The following ELOVL6 variants were observed in gnomAD, a reference collection of about 807,000 sequenced individuals.
ELOVL6 encodes the protein ELOVL fatty acid elongase 6.
ELOVL6 carries 8 observed loss-of-function variants against 31.7 expected under a neutral mutation model. The ratio of observed to expected loss-of-function variants is 0.25; its 90% CI spans 0.15 to 0.45. The LOEUF is 0.45. Ranked by LOEUF, ELOVL6 falls within the 20% of genes least tolerant of loss-of-function variation. The probability of loss-of-function intolerance (pLI) is 1.00; values close to 1 mark genes in which losing one functional copy is unlikely to be tolerated. For synonymous variants in ELOVL6, 101 were observed against 117.7 expected (o/e 0.86, Z 0.92); for missense variants, 126 against 326.4 (o/e 0.39, Z 4.73).
In ELOVL6 at chr4:110,189,592, CAAA is replaced by C. The variant is rs761765202; in HGVS notation, c.89+8652_89+8654del. ...TGGGAGACACAGCAAGACTCTGTCT[CAAA>C]AAAAAAAAAAAAAAAAAAAGAGAGA... On this transcript the variant is annotated intron_variant, in intron 1 of 3. Coordinates refer to ENST00000302274, the MANE Select transcript of ELOVL6 (RefSeq NM_024090.3). 2.1e-3 allele frequency among the ~76,000 whole-genome samples: 158 copies of C among 75,344 alleles called. 1 individual carries two copies. Among genetic ancestry groups the C allele is most frequent in the African/African-American group, 7.8e-3 (142 of 18,270 alleles). The allele number at this position is 75,344 out of a possible 152,430, so 49.4% of individuals were successfully genotyped here. A position where few individuals can be genotyped will look rare whatever the true frequency, so the allele number is the denominator to read the frequency against.
At chr4:110,078,228 A>G (rs1275558127) in intron 2 of ELOVL6, among the ~76,000 whole-genome samples, 1 of 152,236 alleles carries the variant, frequency 6.6e-6, no homozygotes, top group Non-Finnish European at 1.5e-5. Context: ...ATATTCAGGA[A>G]ATACAGAGAA....
chr4:110,156,568 C>T lies in ELOVL6; in HGVS notation c.89+41679G>A, dbSNP rs7695649. ...AGGCATGGCACCAAGCATCTGCAGT[C>T]TCGACTACTCAGAAGGCTGAGGTGG... On this transcript the variant is annotated intron_variant, in intron 1 of 3. Coordinates refer to ENST00000302274, the MANE Select transcript of ELOVL6 (RefSeq NM_024090.3). 6.0e-3 allele frequency among the ~76,000 whole-genome samples: 912 copies of T among 152,160 alleles called. 9 individuals carry two copies. The highest frequency in any genetic ancestry group is 0.021 in the African/African-American group (869 of 41,524).
intron 2 of ELOVL6, among the ~76,000 whole-genome samples, chr4:110,071,660 G>A (rs1317206390): frequency 6.6e-6 from 1 of 151,926 alleles, no homozygotes; most frequent in Non-Finnish European, 1.5e-5. Flanking sequence ...TTCCTCCACC[G>A]CTCCCTCCCG....
chr4:110,194,347 C>G (rs1297676165), intron 1 of ELOVL6, among the ~76,000 whole-genome samples: 1 of 152,210 alleles, frequency 6.6e-6, no homozygotes, highest in African/African-American at 2.4e-5. Flanking sequence ...GTAATAAACT[C>G]TCATTGACCA....
Position 110,053,938 on chromosome 4 carries a change from C to CA in ELOVL6, c.374-2177dup, listed in dbSNP as rs369494890. 9.9e-3 allele frequency among the ~76,000 whole-genome samples: 1,412 copies of CA among 142,502 alleles called. 20 individuals carry two copies. Among genetic ancestry groups the CA allele is most frequent in the African/African-American group, 0.032 (1,240 of 38,838 alleles). The allele number at this position is 142,502 out of a possible 152,430, so 93.5% of individuals were successfully genotyped here. ...TGGGCGACAGAGTGAGACTCCATCTCAAAAAAAAAAAATTAGCTGGGCATT... is the reference window on the plus strand; with the variant it reads ...TGGGCGACAGAGTGAGACTCCATCTCAAAAAAAAAAAAATTAGCTGGGCATT... On this transcript the variant is annotated intron_variant, in intron 3 of 3. Transcript: ENST00000302274.
intron 2 of ELOVL6, among the ~76,000 whole-genome samples, chr4:110,098,131 CAGAAA>C (rs1343927065): frequency 1.3e-5 from 2 of 152,002 alleles, no homozygotes; most frequent in East Asian, 1.9e-4. Context: ...TGAACACGGA[CAGAAA>C]AGAAAAGTCC....
chr4:110,146,158 T>C (rs867195439), intron 1 of ELOVL6, among the ~76,000 whole-genome samples: 6 of 152,220 alleles, frequency 3.9e-5, no homozygotes, highest in South Asian at 4.2e-4. Flanking sequence ...CATTGATCAA[T>C]GGACAGAATA....
intron 2 of ELOVL6, among the ~76,000 whole-genome samples, chr4:110,065,499 C>T (rs1253600285): frequency 2.6e-5 from 4 of 152,134 alleles, no homozygotes; most frequent in Non-Finnish European, 5.9e-5. Flanking sequence ...TGGTGCACAC[C>T]TGTAGTCCCA....
At chr4:110,128,539 C>A (rs180868107) in intron 1 of ELOVL6, among the ~76,000 whole-genome samples, 1 of 152,126 alleles carries the variant, frequency 6.6e-6, no homozygotes, top group African/African-American at 2.4e-5. Flanking sequence ...ATAAGGCAGG[C>A]GTCATGGGCA....
At chr4:110,198,089 G>A (rs1173319788) in intron 1 of ELOVL6, 158 bp downstream of exon 1, 9 of 503,886 alleles carry the variant, frequency 1.8e-5, no homozygotes, top group East Asian at 3.5e-5. Context: ...CCCCCCCCCA[G>A]CGTCTCCTGC....
intron 1 of ELOVL6, among the ~76,000 whole-genome samples, chr4:110,107,666 C>T (rs1756924432): frequency 6.6e-6 from 1 of 152,102 alleles, no homozygotes; most frequent in Non-Finnish European, 1.5e-5. Flanking sequence ...AATTAAATTA[C>T]TTAAGAGTCA....
At chr4:110,165,088 T>C (rs1758737243) in intron 1 of ELOVL6, among the ~76,000 whole-genome samples, 1 of 152,180 alleles carries the variant, frequency 6.6e-6, no homozygotes, top group Non-Finnish European at 1.5e-5. Context: ...GTGGTAAACA[T>C]ATAAGCTTGT....
At chr4:110,172,787 A>C (rs568255030) in intron 1 of ELOVL6, among the ~76,000 whole-genome samples, 1 of 152,250 alleles carries the variant, frequency 6.6e-6, no homozygotes, top group African/African-American at 2.4e-5. Context: ...AACTCTGCTA[A>C]GAGCTTTTAA....
rs898545063 is a variant in ELOVL6 at position 110,054,482 on chromosome 4, T to G, written c.374-2720A>C. Reference sequence around the variant, plus strand: ...TAAAGAAGGTAGATGTCCAAGATACTGTATGTTTAAAACAAGTTTAGTCAT... The same window carrying G: ...TAAAGAAGGTAGATGTCCAAGATACGGTATGTTTAAAACAAGTTTAGTCAT... On this transcript the variant is annotated intron_variant, in intron 3 of 3. Coordinates refer to ENST00000302274, the MANE Select transcript of ELOVL6 (RefSeq NM_024090.3). 1.1e-4 allele frequency among the ~76,000 whole-genome samples: 17 copies of G among 152,348 alleles called. No homozygotes were observed. The Middle Eastern group carries it at 0.01, about 91-fold the overall frequency.
At chr4:110,119,284 C>T (rs867999182) in intron 1 of ELOVL6, among the ~76,000 whole-genome samples, 17 of 150,992 alleles carry the variant, frequency 1.1e-4, no homozygotes, top group South Asian at 2.1e-4. Context: ...TGACAGAGTG[C>T]GTCTCCATCT....
At chr4:110,181,644 A>G (rs1759278466) in intron 1 of ELOVL6, among the ~76,000 whole-genome samples, 3 of 152,168 alleles carry the variant, frequency 2.0e-5, no homozygotes, top group African/African-American at 7.2e-5. Flanking sequence ...AGGAGAGGAG[A>G]GAAAATAAAA....
chr4:110,084,169 A>ATT, intron 2 of ELOVL6, among the ~76,000 whole-genome samples: 1 of 43,084 alleles, frequency 2.3e-5, no homozygotes, highest in East Asian at 5.4e-4. Context: ...TATATGTGAT[A>ATT]TATATGATAT....
chr4:110,095,537 C>A (rs1486581737), intron 2 of ELOVL6, among the ~76,000 whole-genome samples: 1 of 149,492 alleles, frequency 6.7e-6, no homozygotes, highest in African/African-American at 2.5e-5. Flanking sequence ...GTCTGTTTTG[C>A]AGGAAAAGAT....
intron 2 of ELOVL6, among the ~76,000 whole-genome samples, chr4:110,066,293 C>T (rs184453708): frequency 6.6e-6 from 1 of 152,154 alleles, no homozygotes; most frequent in Non-Finnish European, 1.5e-5. Flanking sequence ...CACTGTAATG[C>T]CTCTAGATTT....
Sources: gnomAD v4.1 joint callset for allele counts (sites outside exome capture counted in the v4.1 genomes callset) on GRCh38, gnomAD v4.1.1 for gene constraint, MANE v1.5 for transcripts, NCBI Gene and HGNC (gene_info 2026-07-23, HGNC 2026-07-21) for gene names.